Variants in SYT16 observed in about 807,000 individuals in gnomAD.
The protein encoded by SYT16 is synaptotagmin 16.
A neutral mutation model predicts 61.4 loss-of-function variants in SYT16; 42 were observed. The ratio of observed to expected loss-of-function variants is 0.68; its 90% CI spans 0.53 to 0.89. The LOEUF is 0.89. Among genes scored for constraint, SYT16 ranks in the 40% least tolerant of loss-of-function variants. The pLI is 0.00. For synonymous variants in SYT16, 314 were observed against 302.3 expected, an observed-to-expected ratio of 1.04 and a Z score of -0.40; for missense variants, 804 against 807.3, an observed-to-expected ratio of 1.00 and a Z score of 0.05.
chr14:61,996,355 T>C lies in SYT16; in HGVS notation c.336T>C (p.His112=), dbSNP rs1254510432. Residue 112 remains histidine (H), a synonymous_variant, in exon 3 of 8, where the codon CAT becomes CAC. Coordinates refer to ENST00000683842, the MANE Select transcript of SYT16 (RefSeq NM_001367656.1). ...ATTCAAGCCCAAGCCTTAGCCAACA[T>C]GCAAAGGACTCATGTTCCACAATGT... ...AQNSSPSLSQ[H]AKDSCSTMSQ... 1 of 1,613,496 alleles carries C rather than the reference T, an allele frequency of 6.2e-7. No individual in the cohort carries two copies. Among genetic ancestry groups the C allele is most frequent in the Non-Finnish European group, 8.5e-7 (1 of 1,179,590 alleles).
chr14:61,859,015 C>T (rs1026630644), intron 1 of SYT16, among the ~76,000 whole-genome samples: 62 of 143,940 alleles, frequency 4.3e-4, no homozygotes, highest in African/African-American at 1.6e-3. Context: ...CCACTACGCC[C>T]GGCTAATTTT....
rs1369421751 is a variant in SYT16 at position 61,972,650 on chromosome 14, C to T, written c.-145+2339C>T. Among the ~76,000 whole-genome samples, 3 of 152,182 alleles carry T rather than the reference C, an allele frequency of 2.0e-5. No individual in the cohort carries two copies. The East Asian group carries it at 5.8e-4, about 29-fold the overall frequency. ...TGCTTCTACCCCATATTGTGTCTAA[C>T]CTTTGATATTTGCCTTAATTATCCT... On this transcript the variant is annotated intron_variant, in intron 2 of 7. Coordinates refer to ENST00000683842, the MANE Select transcript of SYT16 (RefSeq NM_001367656.1).
At chr14:62,081,564 T>C (rs2056708671) in intron 6 of SYT16, among the ~76,000 whole-genome samples, 1 of 152,092 alleles carries the variant, frequency 6.6e-6, no homozygotes, top group East Asian at 1.9e-4. Context: ...GCCCTCTGGA[T>C]TGTGGATAAC....
chr14:61,818,644 C>T (rs1375763525), intron 1 of SYT16, among the ~76,000 whole-genome samples: 2 of 149,222 alleles, frequency 1.3e-5, no homozygotes, highest in South Asian at 2.1e-4. Context: ...CTTCACCGCA[C>T]TCCAGCCTGG....
chr14:61,942,009 A>G (rs1297013125), intron 1 of SYT16, among the ~76,000 whole-genome samples: 4 of 152,244 alleles, frequency 2.6e-5, no homozygotes, highest in Non-Finnish European at 5.9e-5. Flanking sequence ...TGAATATGAA[A>G]GATGTTCAGA....
At chr14:61,865,109 T>G (rs2047103589) in intron 1 of SYT16, 14 of 1,341,226 alleles carry the variant, frequency 1.0e-5, no homozygotes, top group Non-Finnish European at 1.5e-5. Context: ...TCTGCTGGAC[T>G]ATGAAGCCTT....
intron 1 of SYT16, among the ~76,000 whole-genome samples, chr14:61,827,828 A>T (rs1249734658): frequency 1.3e-5 from 2 of 152,190 alleles, no homozygotes; most frequent in Non-Finnish European, 2.9e-5. Context: ...TTACCACCAT[A>T]TAAGTCCCTT....
intron 2 of SYT16, among the ~76,000 whole-genome samples, chr14:61,980,411 A>G (rs1051285476): frequency 6.6e-6 from 1 of 152,200 alleles, no homozygotes; most frequent in Admixed American, 6.5e-5. Flanking sequence ...ATGGCAATGC[A>G]TAGTCACTGG....
At chr14:61,859,514 T>C (rs2046900522) in intron 1 of SYT16, among the ~76,000 whole-genome samples, 1 of 151,904 alleles carries the variant, frequency 6.6e-6, no homozygotes, top group South Asian at 2.1e-4. Context: ...TCTTTTCCGC[T>C]CGGAAAACCC....
At chr14:62,070,567 A>G (rs1053678546) in intron 4 of SYT16, among the ~76,000 whole-genome samples, 3 of 152,300 alleles carry the variant, frequency 2.0e-5, no homozygotes, top group Admixed American at 6.5e-5. Context: ...CCTCTCTAAC[A>G]TTAGACCCAA....
At chr14:61,938,840 A>G (rs1324241369) in intron 1 of SYT16, among the ~76,000 whole-genome samples, 1 of 152,242 alleles carries the variant, frequency 6.6e-6, no homozygotes, top group Non-Finnish European at 1.5e-5. Flanking sequence ...GGATATAAAA[A>G]GGACAGACAT....
rs2046918271 is a variant in SYT16, at chr14:61,860,058, A to G, written c.-325+47248A>G. 2.0e-5 allele frequency among the ~76,000 whole-genome samples: 3 copies of G among 152,200 alleles called. No homozygotes were observed. In the South Asian group the frequency reaches 6.2e-4, roughly 31 times the overall value. ...GTACCCTTCTCCTCAATTAGGCTCA[A>G]TAGTTGTCTTTTCCACTGTGGTTCA... On this transcript the variant is annotated intron_variant, in intron 1 of 7. Transcript: ENST00000683842.
chr14:61,952,345 T>C (rs1215464991), intron 1 of SYT16, among the ~76,000 whole-genome samples: 3 of 152,156 alleles, frequency 2.0e-5, no homozygotes, highest in South Asian at 4.1e-4. Context: ...GAGTGGAGAA[T>C]AGCTGAAGTG....
chr14:61,924,115 G>A (rs2049444055), intron 1 of SYT16, among the ~76,000 whole-genome samples: 1 of 152,228 alleles, frequency 6.6e-6, no homozygotes, highest in Admixed American at 6.5e-5. Flanking sequence ...GTCTTGCATA[G>A]TAGACAGTCC....
chr14:61,857,871 C>A (rs991832863), intron 1 of SYT16, among the ~76,000 whole-genome samples: 35 of 151,922 alleles, frequency 2.3e-4, no homozygotes, highest in African/African-American at 7.5e-4. Flanking sequence ...AAAGTTTGGT[C>A]CCTTCTGATT....
rs1423935344 is a variant in SYT16, at chr14:61,938,386, G to A, written c.-324-31746G>A. ...TTGCCAGATACGAGATGTTTGCCAG[G>A]TAAGTAGTGTGGGAGTGCCATACAG... On this transcript the variant is annotated intron_variant, in intron 1 of 7. Coordinates refer to ENST00000683842, the MANE Select transcript of SYT16 (RefSeq NM_001367656.1). Among the ~76,000 whole-genome samples, 6 of 152,212 alleles carry A rather than the reference G, an allele frequency of 3.9e-5. No individual in the cohort carries two copies. In the East Asian group the frequency reaches 1.2e-3, roughly 29 times the overall value.
At chr14:61,905,915 G>A (rs944168298) in intron 1 of SYT16, among the ~76,000 whole-genome samples, 5 of 152,030 alleles carry the variant, frequency 3.3e-5, no homozygotes, top group South Asian at 4.1e-4. Flanking sequence ...GTGCCACCAC[G>A]CCCAGCTATT....
At chr14:62,026,849 G>A (rs2152485) in intron 3 of SYT16, among the ~76,000 whole-genome samples, 16,039 of 152,030 alleles carry the variant, frequency 0.11, 1,227 homozygotes, top group African/African-American at 0.21. Context: ...TTTAAAATTA[G>A]GTGTCCTTTT....
At chr14:62,043,630 A>C (rs2054836740) in intron 3 of SYT16, among the ~76,000 whole-genome samples, 1 of 151,872 alleles carries the variant, frequency 6.6e-6, no homozygotes, top group Non-Finnish European at 1.5e-5. Flanking sequence ...GATGGTCTTG[A>C]TCTCTTGACT....
Sources: gnomAD v4.1 joint callset for allele counts (sites outside exome capture counted in the v4.1 genomes callset) on GRCh38, gnomAD v4.1.1 for gene constraint, MANE v1.5 for transcripts, NCBI Gene and HGNC (gene_info 2026-07-23, HGNC 2026-07-21) for gene names.